Variants in PAPSS2 observed in about 807,000 individuals in gnomAD.
The protein encoded by PAPSS2 is 3'-phosphoadenosine 5'-phosphosulfate synthase 2, also known as bifunctional 3'-phosphoadenosine 5'-phosphosulfate synthase 2.
In PAPSS2, 61 loss-of-function variants were observed where a neutral mutation model predicts 66.5. That is an observed-to-expected ratio of 0.92 (90% CI 0.75 to 1.14). The LOEUF is 1.14. Ranked by LOEUF, PAPSS2 falls within the 50% of genes most tolerant of loss-of-function variation. The probability of loss-of-function intolerance (pLI) is 0.00; values close to 1 mark genes in which losing one functional copy is unlikely to be tolerated. For synonymous variants in PAPSS2, 289 were observed against 287.5 expected, an observed-to-expected ratio of 1.01 and a Z score of -0.05; for missense variants, 708 against 789.6, an observed-to-expected ratio of 0.90 and a Z score of 1.24.
At chr10:87,705,587 T>C (rs1015214046) in intron 1 of PAPSS2, among the ~76,000 whole-genome samples, 4 of 152,230 alleles carry the variant, frequency 2.6e-5, no homozygotes, top group African/African-American at 9.6e-5. Flanking sequence ...ATCAGTGACC[T>C]CTCATTTTAG....
intron 1 of PAPSS2, among the ~76,000 whole-genome samples, chr10:87,671,418 G>A (rs1376367991): frequency 6.6e-6 from 1 of 152,156 alleles, no homozygotes; most frequent in Non-Finnish European, 1.5e-5. Context: ...GAGGCTCTGT[G>A]GCCAGTTTTA....
At chr10:87,702,083 T>C (rs1442171763) in intron 1 of PAPSS2, among the ~76,000 whole-genome samples, 2 of 152,242 alleles carry the variant, frequency 1.3e-5, no homozygotes, top group Non-Finnish European at 2.9e-5. Flanking sequence ...AATATATAAT[T>C]GTGAAACATT....
intron 1 of PAPSS2, among the ~76,000 whole-genome samples, chr10:87,683,651 T>A (rs1853052923): frequency 6.6e-6 from 1 of 152,052 alleles, no homozygotes; most frequent in African/African-American, 2.4e-5. Flanking sequence ...TCAGACTCAC[T>A]AATAGCTCTT....
Position 87,660,911 on chromosome 10 carries a change from A to G in PAPSS2, c.27+903A>G, listed in dbSNP as rs1392660833. On this transcript the variant is annotated intron_variant, in intron 1 of 12. Coordinates refer to ENST00000456849, the MANE Select transcript of PAPSS2 (RefSeq NM_001015880.2). ...CACTGGGGCCACGTCAGATGTGGTC[A>G]GCAAGCCTTGATAAAATCCTACTCA... 1.5e-5 allele frequency: 7 copies of G among 452,858 alleles called. No individual in the cohort carries two copies. The East Asian group carries it at 4.9e-4, about 32-fold the overall frequency. The allele number at this position is 452,858 out of a possible 1,614,324, so 28.1% of individuals were successfully genotyped here.
Position 87,714,158 on chromosome 10 carries a change from A to G in PAPSS2, c.496A>G (p.Arg166Gly), listed in dbSNP as rs1853503059. Residue 166 changes from arginine to glycine, a missense_variant, in exon 4 of 13, where the codon AGG becomes GGG. By Grantham distance (125) the Arg-to-Gly change is moderately radical. Coordinates refer to ENST00000456849, the MANE Select transcript of PAPSS2 (RefSeq NM_001015880.2). ...CAGAGACGTAAAAGGCCTCTATAAAAGGGCCAGAGCTGGGGAGATTAAAGG... is the reference window on the plus strand; with the variant it reads ...CAGAGACGTAAAAGGCCTCTATAAAGGGGCCAGAGCTGGGGAGATTAAAGG... ...ESRDVKGLYK[R>G]ARAGEIKGFT... 6.2e-7 allele frequency: 1 copy of G among 1,613,660 alleles called. No homozygotes were observed. The highest frequency in any genetic ancestry group is 1.3e-5 in the African/African-American group (1 of 74,908).
At position 87,721,781 on chromosome 10, in the gene PAPSS2, T is replaced by C. The variant is rs756542675; in HGVS notation, c.880+11T>C. On this transcript the variant is annotated intron_variant, in intron 8 of 12. Coordinates refer to ENST00000456849, the MANE Select transcript of PAPSS2 (RefSeq NM_001015880.2). ...GCATGGCCCTTCCTGGTATGTACTT[T>C]AACTTTCCAAGTAGCTAAATTATTA... The C allele has an allele frequency of 6.8e-7, 1 of 1,472,518 alleles. No individual in the cohort carries two copies. The highest frequency in any genetic ancestry group is 1.3e-5 in the South Asian group (1 of 77,648). 91.2% of individuals were successfully genotyped at this position (1,472,518 alleles called of 1,614,324 possible). A position where few individuals can be genotyped will look rare whatever the true frequency, so the allele number is the denominator to read the frequency against.
At chr10:87,741,212 A>AATC in intron 9 of PAPSS2, 23 bp from the exon 10 acceptor site, 1 of 1,611,926 alleles carries the variant, frequency 6.2e-7, no homozygotes, top group Non-Finnish European at 8.5e-7. Flanking sequence ...AATCATTAGC[A>AATC]ATCATAACAA....
chr10:87,663,899 G>T (rs1419608852), intron 1 of PAPSS2, among the ~76,000 whole-genome samples: 1 of 152,116 alleles, frequency 6.6e-6, no homozygotes, highest in East Asian at 1.9e-4. Context: ...ATACTGTTTT[G>T]AAGACTCAGT....
At chr10:87,678,024 A>C (rs1439683669) in intron 1 of PAPSS2, among the ~76,000 whole-genome samples, 1 of 152,226 alleles carries the variant, frequency 6.6e-6, no homozygotes, top group East Asian at 1.9e-4. Flanking sequence ...CTACAAGAAA[A>C]AAACATGAAT....
chr10:87,710,779 T>A (rs1564720202), intron 2 of PAPSS2, among the ~76,000 whole-genome samples: 1 of 152,122 alleles, frequency 6.6e-6, no homozygotes, highest in African/African-American at 2.4e-5. Context: ...GACAGGTGGA[T>A]CACCTGACAT....
In PAPSS2 at chr10:87,676,778, G is replaced by C. The variant is rs552058481; in HGVS notation, c.27+16770G>C. On this transcript the variant is annotated intron_variant, in intron 1 of 12. Coordinates refer to ENST00000456849, the MANE Select transcript of PAPSS2 (RefSeq NM_001015880.2). ...ACACAGCTACTTGGCAGGCTGAGGT[G>C]GGAGGATCACTTGAGCCCAGCGGTT... 4.0e-5 allele frequency among the ~76,000 whole-genome samples: 6 copies of C among 151,014 alleles called. No individual in the cohort carries two copies. In the East Asian group the frequency reaches 1.2e-3, roughly 29 times the overall value.
chr10:87,705,777 A>T (rs1853374842), intron 1 of PAPSS2, among the ~76,000 whole-genome samples: 1 of 149,986 alleles, frequency 6.7e-6, no homozygotes, highest in South Asian at 2.1e-4. Flanking sequence ...TCTGTCGCCC[A>T]GGCTGGAGCG....
chr10:87,674,154 C>G (rs1400484124), intron 1 of PAPSS2, among the ~76,000 whole-genome samples: 1 of 152,084 alleles, frequency 6.6e-6, no homozygotes, highest in African/African-American at 2.4e-5. Context: ...AGGTTGTGAA[C>G]TTGGATGGGT....
At chr10:87,666,205 C>G (rs2131893499) in intron 1 of PAPSS2, among the ~76,000 whole-genome samples, 1 of 152,328 alleles carries the variant, frequency 6.6e-6, no homozygotes, top group South Asian at 2.1e-4. Flanking sequence ...CTCAAGTGAT[C>G]TGTCTGCCTT....
At chr10:87,703,882 G>C (rs551086833) in intron 1 of PAPSS2, 4 of 512,132 alleles carry the variant, frequency 7.8e-6, no homozygotes, top group Non-Finnish European at 1.6e-5. Flanking sequence ...GAGGATGTCT[G>C]TGTGTTCTCT....
chr10:87,698,753 G>T (rs751887443), intron 1 of PAPSS2, among the ~76,000 whole-genome samples: 3 of 152,100 alleles, frequency 2.0e-5, no homozygotes. Flanking sequence ...TCTCATGGAG[G>T]TGCACATCTG....
At chr10:87,666,207 GTC>G (rs1245035834) in intron 1 of PAPSS2, among the ~76,000 whole-genome samples, 1 of 152,104 alleles carries the variant, frequency 6.6e-6, no homozygotes, top group Non-Finnish European at 1.5e-5. Context: ...CAAGTGATCT[GTC>G]TGCCTTGGCC....
intron 1 of PAPSS2, 51 bp downstream of exon 1, chr10:87,660,059 G>C (rs780804705): frequency 1.2e-5 from 19 of 1,578,088 alleles, no homozygotes; most frequent in Non-Finnish European, 1.6e-5. Context: ...TGCACGCGCC[G>C]ACCCCCAACC....
chr10:87,663,938 T>C (rs1163918374), intron 1 of PAPSS2, among the ~76,000 whole-genome samples: 2 of 152,164 alleles, frequency 1.3e-5, no homozygotes, highest in African/African-American at 2.4e-5. Context: ...TATTTTTGTT[T>C]TGTTTTGAGA....
Sources: gnomAD v4.1 joint callset for allele counts (sites outside exome capture counted in the v4.1 genomes callset) on GRCh38, gnomAD v4.1.1 for gene constraint, MANE v1.5 for transcripts, NCBI Gene and HGNC (gene_info 2026-07-23, HGNC 2026-07-21) for gene names.